Variants in RGSL1 observed in about 807,000 individuals in gnomAD.
RGSL1 encodes regulator of G protein signaling like 1.
In RGSL1, 97 loss-of-function variants were observed where a neutral mutation model predicts 124.7. The observed-to-expected ratio is 0.78, with a 90% CI of 0.66 to 0.92. RGSL1 has a LOEUF of 0.92. RGSL1 is among the 40% of genes least tolerant of loss of function. RGSL1 has a pLI of 0.00. For missense variants in RGSL1, 1,233 were observed against 1,288.4 expected (o/e 0.96, Z 0.66); for synonymous variants, 424 against 438.1 (o/e 0.97, Z 0.40).
At chr1:182,555,727 T>A (rs1660828290) in intron 20 of RGSL1, 1 of 391,376 alleles carries the variant, frequency 2.6e-6, no homozygotes, top group South Asian at 3.1e-5. Flanking sequence ...TCCAGACTTG[T>A]CCTTCCAACA....
chr1:182,479,257 C>A (rs1327216492), intron 6 of RGSL1, among the ~76,000 whole-genome samples: 1 of 151,852 alleles, frequency 6.6e-6, no homozygotes, highest in Non-Finnish European at 1.5e-5. Context: ...TAAATTAAGA[C>A]AAAGTTGTAA....
chr1:182,493,182 A>G, intron 9 of RGSL1, 53 bp downstream of exon 9: 1 of 1,212,240 alleles, frequency 8.2e-7, no homozygotes, highest in South Asian at 1.3e-5. Context: ...TTCAAATCTA[A>G]GAGAAAATCT....
At chr1:182,547,370 A>G (rs982248859) in intron 15 of RGSL1, among the ~76,000 whole-genome samples, 1 of 54,340 alleles carries the variant, frequency 1.8e-5, no homozygotes, top group Non-Finnish European at 4.1e-5. Flanking sequence ...GGTTAGTCAG[A>G]TAATAAAGGA....
At chr1:182,558,141 CTTAG>C (rs901347649) in intron 21 of RGSL1, among the ~76,000 whole-genome samples, 8 of 152,276 alleles carry the variant, frequency 5.3e-5, no homozygotes, top group South Asian at 2.1e-4. Context: ...TAAAACAAAA[CTTAG>C]TTAGGGACAA....
chr1:182,515,389 C>CA lies in RGSL1; in HGVS notation c.1826-6608dup, dbSNP rs1028702496. On this transcript the variant is annotated intron_variant, in intron 9 of 21. Coordinates refer to ENST00000294854, the MANE Select transcript of RGSL1 (RefSeq NM_001137669.2). ...CTGGAGCCTGGAATCGAGTTTGGGA[C>CA]AAAAAAAGTATTTCAGAGGCTGCAC... Among the ~76,000 whole-genome samples, 16 of 151,432 alleles carry CA rather than the reference C, an allele frequency of 1.1e-4. 1 individual carries two copies. The highest frequency in any genetic ancestry group is 5.9e-5 in the Non-Finnish European group (4 of 67,846).
rs758936484 is a variant in RGSL1, at chr1:182,473,962, C to T, written c.851C>T (p.Pro284Leu). The change falls in exon 6 of 22, where the codon CCT becomes CTT. Residue 284 changes from proline (P) to leucine (L), a missense_variant. Pro to Leu is a moderately conservative substitution (Grantham distance 98). Transcript: ENST00000294854. ...AIGMPLQETC[P>L]QEKVVIQMPS... Reference sequence around the variant, plus strand: ...GGTATGCCCCTACAGGAGACATGTCCTCAAGAGAAGGTGGTTATACAAATG... The same window carrying T: ...GGTATGCCCCTACAGGAGACATGTCTTCAAGAGAAGGTGGTTATACAAATG... The T allele has an allele frequency of 4.5e-6, 7 of 1,551,918 alleles. No homozygotes were observed. The highest frequency in any genetic ancestry group is 1.4e-5 in the African/African-American group (1 of 73,062).
chr1:182,539,689 A>G (rs1659764547), intron 14 of RGSL1, among the ~76,000 whole-genome samples: 1 of 152,230 alleles, frequency 6.6e-6, no homozygotes, highest in South Asian at 2.1e-4. Flanking sequence ...TCTAGTCAAG[A>G]AACTTTCTAA....
chr1:182,520,134 G>A (rs760898839), intron 9 of RGSL1, among the ~76,000 whole-genome samples: 10 of 152,034 alleles, frequency 6.6e-5, no homozygotes, highest in Non-Finnish European at 1.5e-4. Flanking sequence ...TTGAACCTCC[G>A]GATGAAGTTA....
chr1:182,521,225 A>T (rs999295299), intron 9 of RGSL1, among the ~76,000 whole-genome samples: 1 of 152,128 alleles, frequency 6.6e-6, no homozygotes, highest in East Asian at 1.9e-4. Context: ...GCATACTACC[A>T]CACCCAGTTA....
intron 8 of RGSL1, 119 bp from the exon 9 acceptor site, chr1:182,492,903 A>T: frequency 1.4e-6 from 1 of 701,562 alleles, no homozygotes; most frequent in Non-Finnish European, 2.5e-6. Flanking sequence ...TGCTGGGATT[A>T]CAAACGTGAG....
chr1:182,503,333 G>T (rs796647952), intron 9 of RGSL1, among the ~76,000 whole-genome samples: 78 of 152,110 alleles, frequency 5.1e-4, no homozygotes, highest in African/African-American at 1.8e-3. Flanking sequence ...ATAAAGAAAT[G>T]GATCCAGATG....
chr1:182,465,964 C>G (rs951216828), intron 4 of RGSL1, among the ~76,000 whole-genome samples: 2 of 152,000 alleles, frequency 1.3e-5, no homozygotes, highest in African/African-American at 4.8e-5. Flanking sequence ...GATTAAACAC[C>G]ATGACCAAAA....
At chr1:182,512,972 C>T (rs1003995312) in intron 9 of RGSL1, among the ~76,000 whole-genome samples, 1 of 152,124 alleles carries the variant, frequency 6.6e-6, no homozygotes, top group African/African-American at 2.4e-5. Flanking sequence ...TCCATGGAGC[C>T]TGGGGTTTGG....
chr1:182,555,795 GA>G, intron 20 of RGSL1: 1 of 538,246 alleles, frequency 1.9e-6, no homozygotes, highest in East Asian at 3.2e-5. Context: ...AGACAAACCA[GA>G]TACTTTGAAG....
intron 1 of RGSL1, among the ~76,000 whole-genome samples, chr1:182,452,336 C>T (rs1332766304): frequency 1.3e-5 from 2 of 151,994 alleles, no homozygotes; most frequent in Non-Finnish European, 1.5e-5. Flanking sequence ...GAGCAGAGGG[C>T]TTGGGAGGGG....
intron 4 of RGSL1, chr1:182,460,668 AG>A: frequency 2.2e-6 from 1 of 456,026 alleles, no homozygotes; most frequent in Non-Finnish European, 4.4e-6. Flanking sequence ...GTGGTGCTGG[AG>A]GGACTCCCAG....
intron 15 of RGSL1, 109 bp from the exon 16 acceptor site, chr1:182,548,207 TA>T (rs1660338860): frequency 1.1e-5 from 12 of 1,135,686 alleles, no homozygotes; most frequent in Non-Finnish European, 1.5e-5. Context: ...CAACCTGGCC[TA>T]GAACTGGCCT....
intron 9 of RGSL1, among the ~76,000 whole-genome samples, chr1:182,502,962 C>G (rs1656506956): frequency 6.6e-6 from 1 of 152,130 alleles, no homozygotes; most frequent in Non-Finnish European, 1.5e-5. Flanking sequence ...GTGATGTCAT[C>G]TCACCCCAGT....
intron 9 of RGSL1, among the ~76,000 whole-genome samples, chr1:182,493,710 G>A (rs1462359600): frequency 6.6e-6 from 1 of 152,156 alleles, no homozygotes; most frequent in Non-Finnish European, 1.5e-5. Flanking sequence ...ATAACCTAGG[G>A]TTTATAGCCA....
Sources: gnomAD v4.1 joint callset for allele counts (sites outside exome capture counted in the v4.1 genomes callset) on GRCh38, gnomAD v4.1.1 for gene constraint, MANE v1.5 for transcripts, NCBI Gene and HGNC (gene_info 2026-07-23, HGNC 2026-07-21) for gene names.